The following SART3 variants were observed in gnomAD, a reference collection of about 807,000 sequenced individuals.
The protein encoded by SART3 is HIV-1 Tat-interacting protein of 110kDa.
Under a neutral mutation model 122.3 loss-of-function variants are expected in SART3, and 44 were observed. That is an observed-to-expected ratio of 0.36 (90% CI 0.28 to 0.46). The LOEUF (loss-of-function observed/expected upper bound fraction) is 0.46. Ranked by LOEUF, SART3 falls within the 20% of genes least tolerant of loss-of-function variation. The pLI, the probability that SART3 is intolerant of heterozygous loss-of-function variation, is 1.00. For synonymous variants in SART3, 442 were observed against 454.0 expected (o/e 0.97, Z 0.34); for missense variants, 1,101 against 1,229.0 (o/e 0.90, Z 1.56).
chr12:108,550,995 A>G (rs2029986334), intron 1 of SART3, among the ~76,000 whole-genome samples: 4 of 152,248 alleles, frequency 2.6e-5, no homozygotes. Flanking sequence ...TAAACCAACA[A>G]TTGCCTTAAA....
chr12:108,554,800 G>A (rs1430980533), intron 1 of SART3, among the ~76,000 whole-genome samples: 2 of 151,584 alleles, frequency 1.3e-5, no homozygotes, highest in Non-Finnish European at 2.9e-5. Flanking sequence ...AATGAGACAA[G>A]GAAAAGAAAC....
At chr12:108,535,325 GC>G in intron 12 of SART3, 33 bp downstream of exon 12, 1 of 1,544,728 alleles carries the variant, frequency 6.5e-7, no homozygotes, top group Non-Finnish European at 8.9e-7. Context: ...CAGCTGACAA[GC>G]ACTGCCTCCC....
intron 17 of SART3, 81 bp downstream of exon 17, chr12:108,525,376 G>A: frequency 2.7e-6 from 4 of 1,483,120 alleles, no homozygotes; most frequent in Non-Finnish European, 3.8e-6. Flanking sequence ...CCATTCTAGA[G>A]GTTAAATCAT....
chr12:108,526,658 C>T, intron 15 of SART3, 105 bp from the exon 16 acceptor site: 1 of 1,216,362 alleles, frequency 8.2e-7, no homozygotes, highest in Non-Finnish European at 1.2e-6. Context: ...GCATGTGACA[C>T]TTACTCCCTC....
chr12:108,549,957 G>A (rs542950243), intron 1 of SART3, among the ~76,000 whole-genome samples: 8 of 146,152 alleles, frequency 5.5e-5, no homozygotes, highest in East Asian at 2.0e-4. Context: ...AGGTTGCAGC[G>A]AGCCGAGACC....
chr12:108,559,028 G>A (rs1387995521), intron 1 of SART3, among the ~76,000 whole-genome samples: 49 of 96,142 alleles, frequency 5.1e-4, no homozygotes, highest in South Asian at 8.1e-4. Flanking sequence ...GCAAGACTCC[G>A]TCTCAAAAAA....
chr12:108,561,057 C>T lies in SART3; in HGVS notation c.98G>A (p.Arg33Lys), dbSNP rs770808661. ...CCGCGATAACACCTTCCTCCTTGTC[C>T]TAGCCGCCTTAACCTCATCCTCCTC... ...DGEEDEVKAARTRRKVLSRAV... is the reference protein window; with the variant it reads ...DGEEDEVKAAKTRRKVLSRAV... Residue 33 changes from arginine (R) to lysine (K), a missense_variant, in exon 1 of 19, where the codon AGG becomes AAG. By Grantham distance (26) the Arg-to-Lys change is conservative. Around this residue, in one of 2 missense-constraint regions of SART3, gnomAD observed 216 missense variants for 148.9 expected, o/e 1.45. Coordinates refer to ENST00000546815, the MANE Select transcript of SART3 (RefSeq NM_014706.4). The T allele has an allele frequency of 6.2e-7, 1 of 1,614,192 alleles. No homozygotes were observed. The highest frequency in any genetic ancestry group is 1.1e-5 in the South Asian group (1 of 91,088).
At chr12:108,531,032 A>ACAC (rs1166659144) in intron 14 of SART3, among the ~76,000 whole-genome samples, 172 bp downstream of exon 14, 2 of 152,228 alleles carry the variant, frequency 1.3e-5, no homozygotes, top group African/African-American at 4.8e-5. Flanking sequence ...GATGTTTTAG[A>ACAC]ACAATGTAAA....
chr12:108,525,720 G>C (rs1356121064), intron 16 of SART3, 111 bp from the exon 17 acceptor site: 2 of 1,137,862 alleles, frequency 1.8e-6, no homozygotes, highest in African/African-American at 1.5e-5. Context: ...AGGCAGACTA[G>C]AGCCAAGCCA....
Position 108,526,122 on chromosome 12 carries a change from T to A in SART3, c.2347A>T (p.Lys783Ter). The A allele has an allele frequency of 6.2e-7, 1 of 1,614,244 alleles. No individual in the cohort carries two copies. The highest frequency in any genetic ancestry group is 8.5e-7 in the Non-Finnish European group (1 of 1,180,024). The change falls in exon 16 of 19, where the codon AAG (lysine) becomes TAG (stop). Residue 783 changes from lysine to a stop codon, truncating the protein, a stop_gained. Transcript: ENST00000546815. LOFTEE classifies it high-confidence loss of function. ...RPMFVSPCVD[K>*]SKNPDFKVFR... ...ACCTTAAAATCGGGGTTTTTGCTCTTATCCACACAGGGGGAAACAAACATT... is the reference window on the plus strand; with the variant it reads ...ACCTTAAAATCGGGGTTTTTGCTCTAATCCACACAGGGGGAAACAAACATT...
rs2030254023 is a variant in SART3 at position 108,557,115 on chromosome 12, TAA to T, written c.312+3726_312+3727del. On this transcript the variant is annotated intron_variant, in intron 1 of 18. Coordinates refer to ENST00000546815, the MANE Select transcript of SART3 (RefSeq NM_014706.4). The stretch of plus-strand genomic sequence containing the variant: ...TATTAAATACATACTGAAATGCACT[TAA>T]AAGAGCTATTTCCACATAGTTCAAT... 2.0e-5 allele frequency among the ~76,000 whole-genome samples: 3 copies of T among 151,894 alleles called. No individual in the cohort carries two copies. The South Asian group carries it at 6.2e-4, about 31-fold the overall frequency.
chr12:108,560,404 TTTC>T (rs2030456545), intron 1 of SART3: 1 of 248,608 alleles, frequency 4.0e-6, no homozygotes, highest in African/African-American at 2.2e-5. Context: ...GGTCAATATT[TTTC>T]TTACCACAAG....
At chr12:108,540,859 CA>C (rs1271465998) in intron 6 of SART3, among the ~76,000 whole-genome samples, 1 of 152,198 alleles carries the variant, frequency 6.6e-6, no homozygotes, top group Non-Finnish European at 1.5e-5. Context: ...AAGGAATGAT[CA>C]AACTCAGTAC....
At position 108,545,199 on chromosome 12, in the gene SART3, T is replaced by C; in HGVS notation, c.669A>G (p.Lys223=). The change falls in exon 4 of 19, where the codon AAA becomes AAG. Residue 223 remains lysine (K), a synonymous_variant. Transcript: ENST00000546815. ...GGTAAGCCTCCCAGAGGGCGAGTCC[T>C]TTGGTCATATGTAAACCAACAGACG... ...ALSSVGLHMT[K]GLALWEAYRE... is the part of the protein sequence containing the mutation. The C allele has an allele frequency of 6.2e-7, 1 of 1,614,134 alleles. No individual in the cohort carries two copies. The highest frequency in any genetic ancestry group is 8.5e-7 in the Non-Finnish European group (1 of 1,180,026).
At chr12:108,548,432 T>C (rs966644420) in intron 2 of SART3, among the ~76,000 whole-genome samples, 2 of 152,218 alleles carry the variant, frequency 1.3e-5, no homozygotes, top group Non-Finnish European at 2.9e-5. Flanking sequence ...AGTCTTAGAA[T>C]GTTTACATAA....
At chr12:108,528,534 T>C (rs1470433985) in intron 15 of SART3, among the ~76,000 whole-genome samples, 1 of 137,740 alleles carries the variant, frequency 7.3e-6, no homozygotes, top group African/African-American at 2.7e-5. Flanking sequence ...CTGTGCAGGG[T>C]TGGGGCTGCA....
At chr12:108,542,050 G>A (rs1444203804) in intron 6 of SART3, among the ~76,000 whole-genome samples, 5 of 131,330 alleles carry the variant, frequency 3.8e-5, no homozygotes, top group African/African-American at 9.2e-5. Flanking sequence ...GTTGTGCTAC[G>A]CTGCCAGGCT....
At position 108,545,225 on chromosome 12, in the gene SART3, A is replaced by G. The variant is rs1166390521; in HGVS notation, c.643T>C (p.Ser215Pro). The change falls in exon 4 of 19, where the codon TCG (serine) becomes CCG (proline). Residue 215 changes from serine (S) to proline (P), a missense_variant. Physicochemically the swap from Ser to Pro is moderately conservative, Grantham distance 74. This residue lies in a region of SART3 where 885 missense variants were observed against 1,080.1 expected (regional missense o/e 0.82). Transcript: ENST00000546815. ...TTGGTCATATGTAAACCAACAGACG[A>G]GAGAGCCCTTTCAAACACGGAGCGA... ...KVRSVFERALSSVGLHMTKGL... is the reference protein window; with the variant it reads ...KVRSVFERALPSVGLHMTKGL... 1 of 1,614,064 alleles carries G rather than the reference A, an allele frequency of 6.2e-7. No individual in the cohort carries two copies. Among genetic ancestry groups the G allele is most frequent in the East Asian group, 2.2e-5 (1 of 44,894 alleles).
chr12:108,550,653 G>C (rs1468816640), intron 1 of SART3, among the ~76,000 whole-genome samples: 1 of 152,130 alleles, frequency 6.6e-6, no homozygotes, highest in Non-Finnish European at 1.5e-5. Flanking sequence ...ATGAGGTCAG[G>C]AGTTCAAGAC....
Sources: gnomAD v4.1 joint callset for allele counts (sites outside exome capture counted in the v4.1 genomes callset) on GRCh38, gnomAD v4.1.1 for gene constraint, gnomAD v4.1.1 regional missense constraint, MANE v1.5 for transcripts, NCBI Gene and HGNC (gene_info 2026-07-23, HGNC 2026-07-21) for gene names.